Variants in COL5A1 observed in about 807,000 individuals in gnomAD.
The protein encoded by COL5A1 is collagen type V alpha 1 chain.
Under a neutral mutation model 263.7 loss-of-function variants are expected in COL5A1, and 16 were observed. That is an observed-to-expected ratio of 0.06 (90% confidence interval 0.04 to 0.09). The LOEUF is 0.09. Ranked by LOEUF, COL5A1 falls within the 10% of genes least tolerant of loss-of-function variation. COL5A1 has a pLI of 1.00. For missense variants in COL5A1, 2,036 were observed against 2,540.5 expected, an observed-to-expected ratio of 0.80 and a Z score of 4.27; for synonymous variants, 1,012 against 1,004.5, an observed-to-expected ratio of 1.01 and a Z score of -0.14.
At chr9:134,826,654 C>CTGGTGTGTGGGTATGTGTATGGG (rs778708306) in intron 63 of COL5A1, among the ~76,000 whole-genome samples, 1 of 146,896 alleles carries the variant, frequency 6.8e-6, no homozygotes, top group African/African-American at 2.6e-5. Context: ...GTGCATGTGG[C>CTGGTGTGTGGGTATGTGTATGGG]TGGTGGATGG....
In COL5A1 at chr9:134,700,367, A is replaced by G. The variant is rs1833627505; in HGVS notation, c.491+245A>G. On this transcript the variant is annotated intron_variant, in intron 3 of 65. Transcript: ENST00000371817. The surrounding 1 kb of genome is among the most constrained non-coding windows in gnomAD (Gnocchi z 4.0). ...CCTGGCCCTCCATTATCCCTTTGTA[A>G]AGTGCACTAAAGCACATCAAATTCC... Among the ~76,000 whole-genome samples the G allele has an allele frequency of 6.6e-6, 1 of 152,156 alleles. No individual in the cohort carries two copies. Among genetic ancestry groups the G allele is most frequent in the Non-Finnish European group, 1.5e-5 (1 of 68,028 alleles).
In COL5A1 at chr9:134,699,527, G is replaced by A. The variant is rs939859797; in HGVS notation, c.278-382G>A. On this transcript the variant is annotated intron_variant, in intron 2 of 65. Coordinates refer to ENST00000371817, the MANE Select transcript of COL5A1 (RefSeq NM_000093.5). ...GCTGAGTGGTGTGACCTCATGGAGC[G>A]TACTAAGACACCTCAGAAGCAGCCT... 8.2e-5 allele frequency among the ~76,000 whole-genome samples: 12 copies of A among 147,066 alleles called. 1 individual carries two copies. The highest frequency in any genetic ancestry group is 4.6e-4 in the South Asian group (2 of 4,320).
intron 9 of COL5A1, chr9:134,732,431 A>C: frequency 3.6e-6 from 2 of 552,342 alleles, no homozygotes; most frequent in South Asian, 2.0e-5. Context: ...GATGAAAAGC[A>C]GCTCAGAGCT....
chr9:134,693,323 T>C (rs1187065465), intron 2 of COL5A1, among the ~76,000 whole-genome samples: 1 of 152,118 alleles, frequency 6.6e-6, no homozygotes, highest in South Asian at 2.1e-4. Context: ...TGAGACTGTC[T>C]CAAACAAAAC....
chr9:134,678,735 A>G lies in COL5A1; in HGVS notation c.110-12177A>G, dbSNP rs1024968612. ...ATCCACCAGGACTCTCGCAGTGCAGACAAAATGAAACTGGCCCTCGCTGGA... is the reference window on the plus strand; with the variant it reads ...ATCCACCAGGACTCTCGCAGTGCAGGCAAAATGAAACTGGCCCTCGCTGGA... On this transcript the variant is annotated intron_variant, in intron 1 of 65. Coordinates refer to ENST00000371817, the MANE Select transcript of COL5A1 (RefSeq NM_000093.5). The surrounding 1 kb of genome is among the most constrained non-coding windows in gnomAD (Gnocchi z 5.5). 1.5e-4 allele frequency among the ~76,000 whole-genome samples: 23 copies of G among 152,360 alleles called. No individual in the cohort carries two copies. The highest frequency in any genetic ancestry group is 5.3e-4 in the African/African-American group (22 of 41,586).
rs781248560 is a variant in COL5A1 at position 134,701,262 on chromosome 9, G to A, written c.583G>A (p.Asp195Asn). 30 of 1,613,840 alleles carry A rather than the reference G, an allele frequency of 1.9e-5. No homozygotes were observed. Among genetic ancestry groups the A allele is most frequent in the Non-Finnish European group, 2.5e-5 (29 of 1,180,000 alleles). The change falls in exon 4 of 66, where the codon GAC (aspartate) becomes AAC (asparagine). Residue 195 changes from aspartate (D) to asparagine (N), a missense_variant. By Grantham distance (23) the Asp-to-Asn change is conservative (BLOSUM62 1). Transcript: ENST00000371817. ...KKTTKFLDRS[D>N]HPMIDINGII... ...GACCACCAAATTCCTCGACCGCAGC[G>A]ACCACCCCATGATCGACATCAATGG...
chr9:134,796,776 A>C, intron 35 of COL5A1, 72 bp from the exon 36 acceptor site: 25 of 1,398,752 alleles, frequency 1.8e-5, no homozygotes, highest in Non-Finnish European at 2.5e-5. Context: ...AGCCACCGGC[A>C]CAGGCAGGTC....
chr9:134,773,729 A>G, intron 26 of COL5A1, among the ~76,000 whole-genome samples: 1 of 152,020 alleles, frequency 6.6e-6, no homozygotes. Flanking sequence ...CAGCAGAGCT[A>G]GCGCCAGTCC....
rs140372342 is a variant in COL5A1, at chr9:134,653,142, C to T, written c.109+10846C>T. The stretch of plus-strand genomic sequence containing the variant: ...TTTCTTTATGGTGGTCCCCGCTTCA[C>T]AAAGCACCCATGGTGCTGTTCCCCT... On this transcript the variant is annotated intron_variant, in intron 1 of 65. Coordinates refer to ENST00000371817, the MANE Select transcript of COL5A1 (RefSeq NM_000093.5). 33 of 163,470 alleles carry T rather than the reference C, an allele frequency of 2.0e-4. No individual in the cohort carries two copies. The East Asian group carries it at 3.3e-3, about 16-fold the overall frequency. 10.1% of individuals were successfully genotyped at this position (163,470 alleles called of 1,614,324 possible).
intron 42 of COL5A1, chr9:134,808,957 G>A (rs1838406419): frequency 1.7e-6 from 1 of 598,422 alleles, no homozygotes. Flanking sequence ...CCTTTCCTAG[G>A]ATGAGTGTGG....
At chr9:134,660,010 C>T (rs566253864) in intron 1 of COL5A1, among the ~76,000 whole-genome samples, 228 of 152,250 alleles carry the variant, frequency 1.5e-3, no homozygotes, top group African/African-American at 4.9e-3. Context: ...AAGGCGCAGG[C>T]GGGCCAGGGG....
chr9:134,785,407 T>A (rs1588546460), intron 30 of COL5A1, among the ~76,000 whole-genome samples: 1 of 152,122 alleles, frequency 6.6e-6, no homozygotes, highest in South Asian at 2.1e-4. Context: ...CTTGTCACAT[T>A]CCCGCCTCCA....
At chr9:134,769,561 T>A (rs1182982440) in intron 25 of COL5A1, among the ~76,000 whole-genome samples, 1 of 152,266 alleles carries the variant, frequency 6.6e-6, no homozygotes, top group Non-Finnish European at 1.5e-5. Context: ...ATCTCCTGAT[T>A]TAGCCATTGA....
At chr9:134,693,350 C>A (rs1369726390) in intron 2 of COL5A1, among the ~76,000 whole-genome samples, 2 of 152,160 alleles carry the variant, frequency 1.3e-5, no homozygotes, top group African/African-American at 2.4e-5. Context: ...AACAAAAAAA[C>A]CAACACATAA....
At chr9:134,824,925 C>A in intron 62 of COL5A1, 70 bp downstream of exon 62, 1 of 1,537,172 alleles carries the variant, frequency 6.5e-7, no homozygotes, top group South Asian at 1.2e-5. Flanking sequence ...TGGAGTGTGG[C>A]AAGGACAGTT....
At chr9:134,820,438 C>G (rs897707704) in intron 58 of COL5A1, among the ~76,000 whole-genome samples, 3 of 152,178 alleles carry the variant, frequency 2.0e-5, no homozygotes, top group Admixed American at 6.5e-5. Context: ...GCTCCATGCC[C>G]TGACTGGCAG....
chr9:134,688,229 A>AAG (rs1833146082), intron 1 of COL5A1, among the ~76,000 whole-genome samples: 1 of 152,136 alleles, frequency 6.6e-6, no homozygotes, highest in Non-Finnish European at 1.5e-5. Context: ...TGCCTTCAGC[A>AAG]ATGGAGAAAA....
chr9:134,751,633 C>T (rs1835783855), intron 13 of COL5A1, among the ~76,000 whole-genome samples: 2 of 151,004 alleles, frequency 1.3e-5, no homozygotes, highest in Admixed American at 6.6e-5. Context: ...TGCTGATTGC[C>T]CACGATAGGT....
chr9:134,759,204 C>T (rs999549770), intron 18 of COL5A1, among the ~76,000 whole-genome samples: 1 of 149,452 alleles, frequency 6.7e-6, no homozygotes, highest in East Asian at 2.0e-4. Context: ...TGAGTGCACA[C>T]CCCCCATGCA....
Sources: allele counts gnomAD v4.1 joint callset (sites outside exome capture counted in the v4.1 genomes callset), GRCh38; gene constraint gnomAD v4.1.1; non-coding constraint Gnocchi (gnomAD v3.1); transcripts MANE v1.5; gene names NCBI Gene and HGNC (gene_info 2026-07-23, HGNC 2026-07-21).